Variants in LAMA3 observed in about 807,000 individuals in gnomAD.
LAMA3 encodes the protein laminin subunit alpha-3.
In LAMA3, 281 loss-of-function variants were observed where a neutral mutation model predicts 402.0. The ratio of observed to expected loss-of-function variants is 0.70; its 90% CI spans 0.63 to 0.77. The LOEUF (loss-of-function observed/expected upper bound fraction) is 0.77. Among genes scored for constraint, LAMA3 ranks in the 30% least tolerant of loss-of-function variants. The pLI is 0.00. For synonymous variants in LAMA3, 1,431 were observed against 1,558.4 expected (o/e 0.92, Z 1.93); for missense variants, 3,840 against 4,215.5 (o/e 0.91, Z 2.47).
intron 23 of LAMA3, among the ~76,000 whole-genome samples, chr18:23,827,681 A>G (rs555427121): frequency 6.6e-6 from 1 of 152,256 alleles, no homozygotes; most frequent in South Asian, 2.1e-4. Flanking sequence ...AGCACTTTCT[A>G]GACATGGCAG....
chr18:23,767,754 G>A (rs1198298547), intron 8 of LAMA3, among the ~76,000 whole-genome samples: 1 of 151,658 alleles, frequency 6.6e-6, no homozygotes, highest in Non-Finnish European at 1.5e-5. Flanking sequence ...TTCATTATTA[G>A]TAGAAACAGA....
intron 48 of LAMA3, among the ~76,000 whole-genome samples, chr18:23,902,612 G>T (rs1430129085): frequency 6.6e-6 from 1 of 152,160 alleles, no homozygotes; most frequent in Non-Finnish European, 1.5e-5. Flanking sequence ...GCATTCTCAG[G>T]TTCCGTGTGA....
intron 32 of LAMA3, among the ~76,000 whole-genome samples, chr18:23,851,355 C>T (rs1474394778): frequency 6.6e-6 from 1 of 152,190 alleles, no homozygotes; most frequent in Non-Finnish European, 1.5e-5. Context: ...ATTTCACTGG[C>T]TTCATTTTTC....
At chr18:23,842,870 A>G in intron 29 of LAMA3, 120 bp downstream of exon 29, 2 of 1,325,276 alleles carry the variant, frequency 1.5e-6, no homozygotes, top group Non-Finnish European at 2.2e-6. Context: ...TTGTAGAAAA[A>G]TGTTTAAATT....
rs148282727 is a variant in LAMA3 at position 23,920,142 on chromosome 18, G to A, written c.7924-793G>A. 2.4e-3 allele frequency among the ~76,000 whole-genome samples: 358 copies of A among 152,294 alleles called. 1 individual carries two copies. The highest frequency in any genetic ancestry group is 4.0e-3 in the Non-Finnish European group (271 of 68,018). ...TGATGTATGTGTGTGCCCTGCACAC[G>A]TGCATGCAGGGGGCAGGCTGGGAGT... On this transcript the variant is annotated intron_variant, in intron 60 of 74. Coordinates refer to ENST00000313654, the MANE Select transcript of LAMA3 (RefSeq NM_198129.4).
intron 20 of LAMA3, among the ~76,000 whole-genome samples, chr18:23,823,536 A>G (rs770966085): frequency 6.6e-6 from 1 of 152,196 alleles, no homozygotes; most frequent in Non-Finnish European, 1.5e-5. Context: ...ACCACTGTCC[A>G]AACTGTACCA....
chr18:23,934,421 G>A (rs1242852383), intron 67 of LAMA3, among the ~76,000 whole-genome samples: 1 of 152,144 alleles, frequency 6.6e-6, no homozygotes, highest in East Asian at 1.9e-4. Context: ...AGATGCTCGT[G>A]GAGTGGGTGT....
intron 2 of LAMA3, among the ~76,000 whole-genome samples, chr18:23,730,368 C>CTTT (rs11362144): frequency 3.4e-5 from 4 of 118,648 alleles, no homozygotes; most frequent in African/African-American, 5.8e-5. Flanking sequence ...CTTTTTCTTT[C>CTTT]TTTTTTTTTT....
At chr18:23,739,628 TG>T (rs1458959661) in intron 2 of LAMA3, among the ~76,000 whole-genome samples, 1 of 152,204 alleles carries the variant, frequency 6.6e-6, no homozygotes, top group African/African-American at 2.4e-5. Context: ...AGAACCATTA[TG>T]AGTGCAGACC....
chr18:23,953,104 C>T lies in LAMA3; in HGVS notation c.9851C>T (p.Ala3284Val), dbSNP rs758419173. Residue 3284 changes from alanine to valine, a missense_variant, in exon 74 of 75, where the codon GCT becomes GTT. Transcript: ENST00000313654. ...CAAGAGCCACTACACCTTGGAGGTGCTCCAGGTAACTCTTGTCCTGACTTC... is the reference window on the plus strand; with the variant it reads ...CAAGAGCCACTACACCTTGGAGGTGTTCCAGGTAACTCTTGTCCTGACTTC... The part of the protein sequence containing the change: ...STQEPLHLGG[A>V]PANLTTLRIP... The T allele has an allele frequency of 6.2e-7, 1 of 1,614,024 alleles. No individual in the cohort carries two copies. The highest frequency in any genetic ancestry group is 1.1e-5 in the South Asian group (1 of 91,082).
At chr18:23,820,039 A>C in intron 19 of LAMA3, 42 bp downstream of exon 19, 9 of 1,606,660 alleles carry the variant, frequency 5.6e-6, no homozygotes, top group Non-Finnish European at 7.7e-6. Context: ...TGAGTAGCTC[A>C]GATACTTCCC....
At chr18:23,954,271 C>T (rs1448590839) in intron 74 of LAMA3, among the ~76,000 whole-genome samples, 1 of 151,636 alleles carries the variant, frequency 6.6e-6, no homozygotes, top group Non-Finnish European at 1.5e-5. Context: ...GGGTGGTGGC[C>T]CACACCTCTA....
chr18:23,816,499 G>A lies in LAMA3; in HGVS notation c.2147+12G>A, dbSNP rs367678153. 1.2e-5 allele frequency: 20 copies of A among 1,607,232 alleles called. No homozygotes were observed. In the African/African-American group the frequency reaches 1.7e-4, roughly 14 times the overall value. On this transcript the variant is annotated intron_variant, in intron 18 of 74. Coordinates refer to ENST00000313654, the MANE Select transcript of LAMA3 (RefSeq NM_198129.4). ...AAGGTGTGCCAGCGGTGAGTCTTCG[G>A]GAGGCTTCTTCCCATGTTCAGGGTG...
At chr18:23,843,132 G>A (rs1424715490) in intron 29 of LAMA3, among the ~76,000 whole-genome samples, 1 of 151,892 alleles carries the variant, frequency 6.6e-6, no homozygotes, top group Non-Finnish European at 1.5e-5. Flanking sequence ...GTGTGTTGGC[G>A]TTCCTTCCGA....
intron 12 of LAMA3, among the ~76,000 whole-genome samples, chr18:23,791,026 C>T (rs1427003068): frequency 6.6e-6 from 1 of 151,996 alleles, no homozygotes; most frequent in Non-Finnish European, 1.5e-5. Context: ...GTAGCTGGTA[C>T]TACAGGCGCC....
At chr18:23,758,250 T>C (rs1598733027) in intron 6 of LAMA3, 146 bp from the exon 7 acceptor site, 1 of 705,558 alleles carries the variant, frequency 1.4e-6, no homozygotes, top group Non-Finnish European at 2.6e-6. Flanking sequence ...TAAATAATAC[T>C]TGCGAAGTGT....
Position 23,933,816 on chromosome 18 carries a change from A to C in LAMA3, c.8743A>C (p.Ser2915Arg). Reference sequence around the variant, plus strand: ...GAGTCCTGAAGTCCTAGATTTGACCAGTAACTCTCTCAAGAGAGATGTGTC... The same window carrying C: ...GAGTCCTGAAGTCCTAGATTTGACCCGTAACTCTCTCAAGAGAGATGTGTC... ...SLSPEVLDLT[S>R]NSLKRDVSLG... is the part of the protein sequence containing the mutation. Residue 2915 changes from serine to arginine, a missense_variant, in exon 67 of 75, where the codon AGT (serine) becomes CGT (arginine). Ser to Arg is a moderately radical substitution (Grantham distance 110, BLOSUM62 -1). Transcript: ENST00000313654. 6.2e-7 allele frequency: 1 copy of C among 1,614,166 alleles called. No individual in the cohort carries two copies. Among genetic ancestry groups the C allele is most frequent in the South Asian group, 1.1e-5 (1 of 91,086 alleles).
At chr18:23,755,411 G>A (rs1302912793) in intron 6 of LAMA3, among the ~76,000 whole-genome samples, 4 of 152,216 alleles carry the variant, frequency 2.6e-5, no homozygotes, top group African/African-American at 4.8e-5. Context: ...ATGACTGCCT[G>A]CCTTTCCTTG....
intron 6 of LAMA3, among the ~76,000 whole-genome samples, chr18:23,757,070 C>T (rs2061861809): frequency 6.6e-6 from 1 of 151,898 alleles, no homozygotes; most frequent in African/African-American, 2.4e-5. Flanking sequence ...CTGTGCCCTC[C>T]TCCAACAGGG....
Sources: allele counts gnomAD v4.1 joint callset (sites outside exome capture counted in the v4.1 genomes callset), GRCh38; gene constraint gnomAD v4.1.1; transcripts MANE v1.5; gene names NCBI Gene and HGNC (gene_info 2026-07-23, HGNC 2026-07-21).